Variants in TENM2 observed in about 807,000 individuals in gnomAD.
The protein encoded by TENM2 is teneurin-2.
In TENM2, 52 loss-of-function variants were observed where a neutral mutation model predicts 245.2. The ratio of observed to expected loss-of-function variants is 0.21; its 90% CI spans 0.17 to 0.27. The LOEUF (loss-of-function observed/expected upper bound fraction) is 0.27, where lower values mean the gene tolerates loss of function less well. Ranked by LOEUF, TENM2 falls within the 10% of genes least tolerant of loss-of-function variation. The pLI, the probability that TENM2 is intolerant of heterozygous loss-of-function variation, is 1.00. For synonymous variants in TENM2, 1,363 were observed against 1,438.9 expected, an observed-to-expected ratio of 0.95 and a Z score of 1.19; for missense variants, 3,046 against 3,666.8, an observed-to-expected ratio of 0.83 and a Z score of 4.37.
At chr5:167,999,329 A>G (rs1003309667) in intron 5 of TENM2, among the ~76,000 whole-genome samples, 5 of 152,238 alleles carry the variant, frequency 3.3e-5, no homozygotes, top group Non-Finnish European at 7.3e-5. Flanking sequence ...AGCTGCCCAC[A>G]AGTAAGTCAG....
chr5:167,367,624 T>A (rs1330204836), intron 1 of TENM2, among the ~76,000 whole-genome samples: 1 of 152,154 alleles, frequency 6.6e-6, no homozygotes, highest in South Asian at 2.1e-4. Flanking sequence ...TCATTAAATA[T>A]GTAAATATGT....
At chr5:167,554,422 C>T (rs1157636050) in intron 2 of TENM2, among the ~76,000 whole-genome samples, 1 of 152,148 alleles carries the variant, frequency 6.6e-6, no homozygotes, top group African/African-American at 2.4e-5. Context: ...TCTGTGACCT[C>T]ACGATACAGT....
rs372917707 is a variant in TENM2 at position 167,870,569 on chromosome 5, A to ATATATATATGTG, written c.503-5416_503-5415insATATATATGTGT. 7.2e-4 allele frequency among the ~76,000 whole-genome samples: 103 copies of ATATATATATGTG among 142,430 alleles called. 1 individual carries two copies. Among genetic ancestry groups the ATATATATATGTG allele is most frequent in the South Asian group, 2.1e-3 (10 of 4,724 alleles). The allele number at this position is 142,430 out of a possible 152,430, so 93.4% of individuals were successfully genotyped here. On this transcript the variant is annotated intron_variant, in intron 2 of 28. Transcript: ENST00000518659. ...AATGTGTATACATATATATATATAT[A>ATATATATATGTG]TGTGTGTGTATATATATATGTATAT...
exon 11 of TENM2, chr5:168,124,855 T>C: frequency 1.2e-6 from 2 of 1,610,242 alleles, no homozygotes; most frequent in South Asian, 2.2e-5. Context: ...TTCAGTTGAT[T>C]GCTTGGATCC....
chr5:168,215,073 G>A, exon 21 of TENM2: 1 of 1,613,770 alleles, frequency 6.2e-7, no homozygotes. Flanking sequence ...ACTTGGCAGT[G>A]GACCCCGTGT....
intron 2 of TENM2, among the ~76,000 whole-genome samples, chr5:167,590,878 A>G (rs1024670546): frequency 6.6e-6 from 1 of 152,218 alleles, no homozygotes; most frequent in East Asian, 1.9e-4. Flanking sequence ...GCATACAATG[A>G]TGTAAGAAAT....
the TENM2 span, among the ~76,000 whole-genome samples, chr5:167,023,200 A>C: frequency 6.6e-6 from 1 of 152,252 alleles, no homozygotes; most frequent in East Asian, 1.9e-4. Context: ...CAATAACAGG[A>C]ATACTTGCAT....
At chr5:167,880,079 C>A (rs1428724824) in intron 3 of TENM2, among the ~76,000 whole-genome samples, 6 of 152,054 alleles carry the variant, frequency 3.9e-5, no homozygotes, top group Non-Finnish European at 5.9e-5. Context: ...TCTTGCTGAT[C>A]CAGGCTGGAG....
At chr5:167,793,718 C>T (rs1446841195) in intron 2 of TENM2, among the ~76,000 whole-genome samples, 1 of 151,924 alleles carries the variant, frequency 6.6e-6, no homozygotes, top group Non-Finnish European at 1.5e-5. Flanking sequence ...GGCCTGTAGT[C>T]CCAGCTACTC....
chr5:167,102,327 C>T, the TENM2 span, among the ~76,000 whole-genome samples: 13 of 152,256 alleles, frequency 8.5e-5, no homozygotes, highest in African/African-American at 2.2e-4. Context: ...GCTACTAATA[C>T]GTCTGATAAT....
intron 4 of TENM2, among the ~76,000 whole-genome samples, chr5:167,980,697 G>A (rs942004507): frequency 6.6e-6 from 1 of 152,234 alleles, no homozygotes; most frequent in Non-Finnish European, 1.5e-5. Flanking sequence ...CTCCTGTGGG[G>A]AGAAGGGGTG....
the TENM2 span, among the ~76,000 whole-genome samples, chr5:167,109,852 T>C: frequency 6.6e-6 from 1 of 152,214 alleles, no homozygotes; most frequent in Non-Finnish European, 1.5e-5. Context: ...AGTGTGGTCC[T>C]TAGGGCCTTG....
At chr5:167,110,588 G>A in the TENM2 span, among the ~76,000 whole-genome samples, 91 of 152,218 alleles carry the variant, frequency 6.0e-4, no homozygotes, top group Admixed American at 9.2e-4. Flanking sequence ...ACAGTTAATT[G>A]ATTGGGTAGT....
At chr5:168,189,151 C>T (rs954460302) in intron 13 of TENM2, among the ~76,000 whole-genome samples, 2 of 152,188 alleles carry the variant, frequency 1.3e-5, no homozygotes, top group Non-Finnish European at 2.9e-5. Flanking sequence ...ATAGGAGTTC[C>T]ACCTTCATGA....
At chr5:167,071,200 T>G in the TENM2 span, among the ~76,000 whole-genome samples, 1 of 152,214 alleles carries the variant, frequency 6.6e-6, no homozygotes, top group African/African-American at 2.4e-5. Context: ...GTGGAACTCC[T>G]TCAAAATATT....
intron 2 of TENM2, among the ~76,000 whole-genome samples, chr5:167,866,161 T>A (rs1041417268): frequency 2.0e-5 from 3 of 152,192 alleles, no homozygotes; most frequent in African/African-American, 7.2e-5. Context: ...TAAGGAAGGT[T>A]GTTCTTGAGA....
At chr5:167,655,708 A>G (rs991337363) in intron 2 of TENM2, among the ~76,000 whole-genome samples, 5 of 152,222 alleles carry the variant, frequency 3.3e-5, no homozygotes, top group Admixed American at 3.3e-4. Context: ...CTGTATGTTA[A>G]TTCAACTATT....
At chr5:167,020,180 A>C in the TENM2 span, among the ~76,000 whole-genome samples, 1 of 152,176 alleles carries the variant, frequency 6.6e-6, no homozygotes, top group Non-Finnish European at 1.5e-5. Context: ...TTTTGCTCAC[A>C]AACACTTTTG....
the TENM2 span, among the ~76,000 whole-genome samples, chr5:167,101,819 C>G: frequency 1.1e-5 from 1 of 88,458 alleles, no homozygotes; most frequent in Non-Finnish European, 2.3e-5. Flanking sequence ...GTCTTCCCAG[C>G]TGGGGCTCTT....
Sources: allele counts gnomAD v4.1 joint callset (sites outside exome capture counted in the v4.1 genomes callset), GRCh38; gene constraint gnomAD v4.1.1; transcripts MANE v1.5; gene names NCBI Gene and HGNC (gene_info 2026-07-23, HGNC 2026-07-21).